The following RABGAP1L variants were observed in gnomAD, a reference collection of about 807,000 sequenced individuals.
RABGAP1L encodes RAB GTPase activating protein 1 like.
A neutral mutation model predicts 137.7 loss-of-function variants in RABGAP1L; 63 were observed. The ratio of observed to expected loss-of-function variants is 0.46; its 90% CI spans 0.37 to 0.56. The LOEUF (loss-of-function observed/expected upper bound fraction) is 0.56, where lower values mean the gene tolerates loss of function less well. Among genes scored for constraint, RABGAP1L ranks in the 20% least tolerant of loss-of-function variants. RABGAP1L has a pLI of 0.00. For synonymous variants in RABGAP1L, 431 were observed against 433.7 expected (o/e 0.99, Z 0.08); for missense variants, 1,095 against 1,244.0 (o/e 0.88, Z 1.80).
chr1:174,935,076 A>T (rs949610200), intron 19 of RABGAP1L: 1 of 152,222 alleles, frequency 6.6e-6, no homozygotes, highest in East Asian at 1.9e-4. Context: ...CCTGGGTCAG[A>T]TGTGTCCTGT....
chr1:174,323,389 A>G (rs1466239669), intron 11 of RABGAP1L, among the ~76,000 whole-genome samples: 1 of 152,106 alleles, frequency 6.6e-6, no homozygotes, highest in Non-Finnish European at 1.5e-5. Context: ...GATAAACAAA[A>G]TAAAGATACT....
chr1:174,635,923 A>G (rs1310316114), intron 13 of RABGAP1L, among the ~76,000 whole-genome samples: 3 of 152,208 alleles, frequency 2.0e-5, no homozygotes, highest in Admixed American at 6.5e-5. Context: ...TTAAAATAAC[A>G]TATATTAAAC....
chr1:174,895,177 T>G (rs1210202158), intron 19 of RABGAP1L, among the ~76,000 whole-genome samples: 9 of 152,168 alleles, frequency 5.9e-5, no homozygotes, highest in Admixed American at 5.9e-4. Context: ...AATAAATGAA[T>G]GAAAATTATT....
intron 13 of RABGAP1L, among the ~76,000 whole-genome samples, chr1:174,450,322 A>G (rs751370694): frequency 3.3e-5 from 5 of 152,162 alleles, no homozygotes; most frequent in African/African-American, 9.7e-5. Context: ...CATTTGTGTG[A>G]TATGCGTTTG....
chr1:174,567,278 C>T (rs1279342574), intron 13 of RABGAP1L, among the ~76,000 whole-genome samples: 1 of 152,100 alleles, frequency 6.6e-6, no homozygotes, highest in African/African-American at 2.4e-5. Flanking sequence ...ACATTATTTT[C>T]CTTCTATATC....
intron 13 of RABGAP1L, among the ~76,000 whole-genome samples, chr1:174,437,332 A>G (rs1653500873): frequency 6.6e-6 from 1 of 152,198 alleles, no homozygotes; most frequent in South Asian, 2.1e-4. Context: ...AAAAAATTAG[A>G]TGAATGGATA....
intron 22 of RABGAP1L, among the ~76,000 whole-genome samples, chr1:174,976,857 G>A (rs950177938): frequency 2.6e-5 from 4 of 152,192 alleles, no homozygotes; most frequent in East Asian, 1.9e-4. Context: ...GGAGCTTTCC[G>A]CTTCCCCAAG....
At chr1:174,922,129 C>T (rs998779126) in intron 19 of RABGAP1L, 3 of 152,184 alleles carry the variant, frequency 2.0e-5, no homozygotes, top group Non-Finnish European at 4.4e-5. Flanking sequence ...GGTTGTAGGG[C>T]AGCACCCGGA....
At chr1:174,494,254 G>A (rs1210090305) in intron 13 of RABGAP1L, among the ~76,000 whole-genome samples, 6 of 152,042 alleles carry the variant, frequency 3.9e-5, no homozygotes, top group Non-Finnish European at 7.4e-5. Context: ...TTGATGTTCT[G>A]TTTTTCCCTT....
chr1:174,494,181 T>G (rs1197426937), intron 13 of RABGAP1L, among the ~76,000 whole-genome samples: 1 of 152,200 alleles, frequency 6.6e-6, no homozygotes, highest in Admixed American at 6.5e-5. Flanking sequence ...TAAATGGGTT[T>G]ATGTCTGTTG....
intron 19 of RABGAP1L, among the ~76,000 whole-genome samples, chr1:174,908,575 C>T (rs1404086331): frequency 1.7e-5 from 2 of 120,582 alleles, no homozygotes; most frequent in Non-Finnish European, 3.2e-5. Context: ...GGGAGTCTCA[C>T]TTTGTTGCCC....
intron 7 of RABGAP1L, among the ~76,000 whole-genome samples, chr1:174,269,968 A>G (rs968264578): frequency 1.3e-5 from 2 of 152,192 alleles, no homozygotes; most frequent in African/African-American, 2.4e-5. Context: ...ATATCTATCT[A>G]ATTTCTGACA....
intron 13 of RABGAP1L, among the ~76,000 whole-genome samples, chr1:174,510,991 C>A (rs1256358693): frequency 6.6e-6 from 1 of 152,114 alleles, no homozygotes; most frequent in Non-Finnish European, 1.5e-5. Flanking sequence ...AAAGCAGAAT[C>A]ATGATGAAAA....
intron 5 of RABGAP1L, among the ~76,000 whole-genome samples, chr1:174,248,518 T>C (rs910652296): frequency 1.3e-5 from 2 of 152,184 alleles, no homozygotes; most frequent in Admixed American, 1.3e-4. Flanking sequence ...ACTGCAGAAG[T>C]TGAACTTTAG....
intron 10 of RABGAP1L, among the ~76,000 whole-genome samples, chr1:174,302,766 C>G (rs571500129): frequency 1.3e-5 from 2 of 152,236 alleles, no homozygotes; most frequent in East Asian, 3.9e-4. Context: ...GCCCTCTCCT[C>G]CAAATATCTT....
chr1:174,251,589 T>G (rs1344280037), intron 6 of RABGAP1L, among the ~76,000 whole-genome samples: 1 of 152,180 alleles, frequency 6.6e-6, no homozygotes, highest in Non-Finnish European at 1.5e-5. Flanking sequence ...AAGCCATATT[T>G]TATACATTGA....
At chr1:174,864,736 T>C (rs1650907098) in intron 19 of RABGAP1L, among the ~76,000 whole-genome samples, 1 of 152,212 alleles carries the variant, frequency 6.6e-6, no homozygotes, top group South Asian at 2.1e-4. Flanking sequence ...CAACTGTGTT[T>C]CTGTTCAACT....
At chr1:174,933,904 C>T (rs1335520361) in intron 19 of RABGAP1L, among the ~76,000 whole-genome samples, 1 of 152,102 alleles carries the variant, frequency 6.6e-6, no homozygotes, top group African/African-American at 2.4e-5. Context: ...TTCAACCCAC[C>T]ATCCGTGGAA....
Position 174,431,215 on chromosome 1 carries a change from T to G in RABGAP1L, c.1710+37070T>G, listed in dbSNP as rs970057994. 6.8e-4 allele frequency among the ~76,000 whole-genome samples: 104 copies of G among 152,284 alleles called. 1 individual carries two copies. The highest frequency in any genetic ancestry group is 2.3e-3 in the African/African-American group (95 of 41,564). On this transcript the variant is annotated intron_variant, in intron 13 of 25. Transcript: ENST00000681986. ...TTAAGGTTCAACTTTTCTCTCTCTG[T>G]TTTTACTGTACAAAAGTTGAAGGGA...
Sources: gnomAD v4.1 joint callset for allele counts (sites outside exome capture counted in the v4.1 genomes callset) on GRCh38, gnomAD v4.1.1 for gene constraint, MANE v1.5 for transcripts, NCBI Gene and HGNC (gene_info 2026-07-23, HGNC 2026-07-21) for gene names.